LRP1: variants seen among roughly 807,000 people sequenced by gnomAD.
LRP1 encodes the protein prolow-density lipoprotein receptor-related protein 1.
A neutral mutation model predicts 541.5 loss-of-function variants in LRP1; 51 were observed. That is an observed-to-expected ratio of 0.09 (90% CI 0.08 to 0.12). The LOEUF (loss-of-function observed/expected upper bound fraction) is 0.12. Ranked by LOEUF, LRP1 falls within the 10% of genes least tolerant of loss-of-function variation. The pLI is 1.00. For synonymous variants in LRP1, 2,219 were observed against 2,470.8 expected (o/e 0.90, Z 3.02); for missense variants, 3,878 against 6,376.2 (o/e 0.61, Z 13.34).
rs767906236 is a variant in LRP1, at chr12:57,185,978, C to T, written c.6841+70C>T. On this transcript the variant is annotated intron_variant, in intron 41 of 88. Coordinates refer to ENST00000243077, the MANE Select transcript of LRP1 (RefSeq NM_002332.3). This position sits in a 1 kb window ranked among gnomAD's most constrained non-coding sequence, Gnocchi z 4.9. ...GGGGAGCAGCACAGACTCTTAGACCCCAGCCAGGCACTCTACCCTAGGTCT... is the reference window on the plus strand; with the variant it reads ...GGGGAGCAGCACAGACTCTTAGACCTCAGCCAGGCACTCTACCCTAGGTCT... 39 of 1,506,560 alleles carry T rather than the reference C, an allele frequency of 2.6e-5. No homozygotes were observed. The highest frequency in any genetic ancestry group is 2.9e-5 in the Non-Finnish European group (33 of 1,121,612). 93.3% of individuals were successfully genotyped at this position (1,506,560 alleles called of 1,614,324 possible). A position where few individuals can be genotyped will look rare whatever the true frequency, so the allele number is the denominator to read the frequency against.
intron 1 of LRP1, among the ~76,000 whole-genome samples, chr12:57,131,336 G>A (rs1439707719): frequency 6.6e-6 from 1 of 152,178 alleles, no homozygotes; most frequent in Non-Finnish European, 1.5e-5. Flanking sequence ...CCTGCTGCTG[G>A]AGAGGTTGCA....
chr12:57,152,365 C>T (rs970422553), intron 6 of LRP1, among the ~76,000 whole-genome samples: 16 of 152,104 alleles, frequency 1.1e-4, no homozygotes, highest in Non-Finnish European at 2.2e-4. Context: ...CATACACATG[C>T]CAGCAGCCCC....
chr12:57,208,062 G>A lies in LRP1; in HGVS notation c.11884G>A (p.Gly3962Ser), dbSNP rs1369613390. The A allele has an allele frequency of 6.2e-7, 1 of 1,614,158 alleles. No homozygotes were observed. The highest frequency in any genetic ancestry group is 8.5e-7 in the Non-Finnish European group (1 of 1,180,026). Residue 3962 changes from glycine to serine, a missense_variant, in exon 77 of 89, where the codon GGC (glycine) becomes AGC (serine). By Grantham distance (56) the Gly-to-Ser change is moderately conservative (BLOSUM62 0). Transcript: ENST00000243077. The stretch of plus-strand genomic sequence containing the variant: ...GATTTCAGGGCTGAAGATGCCCAGA[G>A]GCATCGCCATCGACTGGGTGGCCGG... ...LNISGLKMPR[G>S]IAIDWVAGNV...
At chr12:57,180,641 G>T (rs1333618415) in intron 32 of LRP1, 26 bp from the exon 33 acceptor site, 6 of 1,613,616 alleles carry the variant, frequency 3.7e-6, no homozygotes, top group Non-Finnish European at 5.1e-6. Context: ...CCTTCCCAAG[G>T]GTCTCATCCC....
In LRP1 at chr12:57,179,920, A is replaced by G; in HGVS notation, c.5105A>G (p.Glu1702Gly). The change falls in exon 30 of 89, where the codon GAG becomes GGG. Residue 1702 changes from glutamate (E) to glycine (G), a missense_variant. Physicochemically the swap from Glu to Gly is moderately conservative, Grantham distance 98 (BLOSUM62 -2). This residue lies in a region of LRP1 where 394 missense variants were observed against 635.9 expected (regional missense o/e 0.62). Coordinates refer to ENST00000243077, the MANE Select transcript of LRP1 (RefSeq NM_002332.3). This position sits in a 1 kb window ranked among gnomAD's most constrained non-coding sequence, Gnocchi z 6.8. Reference protein sequence around the residue: ...SFKNAVVQGLEQPHGLVVHPL... With the variant: ...SFKNAVVQGLGQPHGLVVHPL... Reference sequence around the variant, plus strand: ...AAGAACGCAGTGGTGCAGGGCCTGGAGCAGCCCCATGGCCTTGTCGTCCAC... The same window carrying G: ...AAGAACGCAGTGGTGCAGGGCCTGGGGCAGCCCCATGGCCTTGTCGTCCAC... The G allele has an allele frequency of 1.2e-6, 2 of 1,614,098 alleles. No individual in the cohort carries two copies. Among genetic ancestry groups the G allele is most frequent in the African/African-American group, 1.3e-5 (1 of 75,040 alleles).
At position 57,197,859 on chromosome 12, in the gene LRP1, C is replaced by A. The variant is rs1259917231; in HGVS notation, c.9282+195C>A. On this transcript the variant is annotated intron_variant, in intron 58 of 88. Transcript: ENST00000243077. The surrounding 1 kb of genome is among the most constrained non-coding windows in gnomAD (Gnocchi z 4.5). ...ACTGGGAGATTCCTCTTGCCCTTCCCCTCGCTGCCAGCCTCATGTCTCCTT... is the reference window on the plus strand; with the variant it reads ...ACTGGGAGATTCCTCTTGCCCTTCCACTCGCTGCCAGCCTCATGTCTCCTT... Among the ~76,000 whole-genome samples, 1 of 152,192 alleles carries A rather than the reference C, an allele frequency of 6.6e-6. No individual in the cohort carries two copies. The highest frequency in any genetic ancestry group is 1.5e-5 in the Non-Finnish European group (1 of 68,040).
chr12:57,191,570 A>C, intron 44 of LRP1, 58 bp downstream of exon 44: 1 of 1,470,912 alleles, frequency 6.8e-7, no homozygotes, highest in Non-Finnish European at 9.2e-7. Context: ...TGGACATACA[A>C]ACACACACCC....
At chr12:57,196,915 C>T in intron 55 of LRP1, 67 bp from the exon 56 acceptor site, 1 of 1,391,194 alleles carries the variant, frequency 7.2e-7, no homozygotes, top group Non-Finnish European at 9.9e-7. Flanking sequence ...AGTCTCTGAG[C>T]CAGGTCTCCA....
rs1281500835 is a variant in LRP1, at chr12:57,184,063, G to A, written c.5930-22G>A. On this transcript the variant is annotated intron_variant, in intron 36 of 88. Coordinates refer to ENST00000243077, the MANE Select transcript of LRP1 (RefSeq NM_002332.3). The surrounding 1 kb of genome is among the most constrained non-coding windows in gnomAD (Gnocchi z 7.8). ...ACCTGTCCTCACCTAACCTCCCTGA[G>A]CCCCACCAACTCCCTCCTTAGGCAA... 3.1e-6 allele frequency: 5 copies of A among 1,610,712 alleles called. No homozygotes were observed. The highest frequency in any genetic ancestry group is 4.2e-6 in the Non-Finnish European group (5 of 1,178,038).
intron 15 of LRP1, 40 bp downstream of exon 15, chr12:57,163,023 C>G: frequency 6.4e-7 from 1 of 1,572,208 alleles, no homozygotes; most frequent in Non-Finnish European, 8.6e-7. Flanking sequence ...GAAGCAGACC[C>G]CATCAGGAGG....
At chr12:57,140,198 C>T (rs888132024) in intron 2 of LRP1, among the ~76,000 whole-genome samples, 5 of 152,138 alleles carry the variant, frequency 3.3e-5, no homozygotes. Context: ...ACACAGCTTC[C>T]CAGAGTTCTG....
At chr12:57,203,365 G>C in intron 69 of LRP1, 24 bp from the exon 70 acceptor site, 1 of 1,595,170 alleles carries the variant, frequency 6.3e-7, no homozygotes, top group Non-Finnish European at 8.6e-7. Flanking sequence ...AGAGGTGACC[G>C]GCTGCCTGTG....
rs879269695 is a variant in LRP1 at position 57,193,444 on chromosome 12, T to C, written c.7685-122T>C. ...GGGAGCTCATGAAGGGCAGAACCAC[T>C]GTTAGCCTGGACTGGGCCTTTGGGT... On this transcript the variant is annotated intron_variant, in intron 46 of 88. Coordinates refer to ENST00000243077, the MANE Select transcript of LRP1 (RefSeq NM_002332.3). 4.6e-6 allele frequency: 7 copies of C among 1,507,710 alleles called. No individual in the cohort carries two copies. In the South Asian group the frequency reaches 6.2e-5, roughly 13 times the overall value. 93.4% of individuals were successfully genotyped at this position (1,507,710 alleles called of 1,614,324 possible).
intron 19 of LRP1, among the ~76,000 whole-genome samples, chr12:57,167,945 G>A (rs2035872123): frequency 6.6e-6 from 1 of 152,220 alleles, no homozygotes; most frequent in South Asian, 2.1e-4. Context: ...GATAGCCATG[G>A]ACCAGGTGAT....
rs762878771 is a variant in LRP1, at chr12:57,145,321, T to C, written c.672T>C (p.Pro224=). The C allele has an allele frequency of 1.9e-6, 3 of 1,614,092 alleles. No homozygotes were observed. The highest frequency in any genetic ancestry group is 2.5e-6 in the Non-Finnish European group (3 of 1,180,034). ...GGGCCCAGGTGTCTACCATCACACC[T>C]ACGAGCACGCGGCAGACCACAGCCA... ...LSGAQVSTIT[P]TSTRQTTAMD... Residue 224 remains proline, a synonymous_variant, in exon 6 of 89, where the codon CCT becomes CCC. Transcript: ENST00000243077.
At chr12:57,194,729 C>T (rs1482586185) in intron 50 of LRP1, 30 bp downstream of exon 50, 1 of 1,524,446 alleles carries the variant, frequency 6.6e-7, no homozygotes, top group East Asian at 2.3e-5. Context: ...ACTCAGTGCT[C>T]CAAGAGCCTG....
At chr12:57,187,166 T>G in intron 41 of LRP1, 101 bp from the exon 42 acceptor site, 1 of 1,268,094 alleles carries the variant, frequency 7.9e-7, no homozygotes, top group Non-Finnish European at 1.1e-6. Flanking sequence ...ACACTTCGCC[T>G]TCCAGCCAGG....
At chr12:57,147,201 C>T (rs1470876953) in intron 6 of LRP1, among the ~76,000 whole-genome samples, 1 of 151,608 alleles carries the variant, frequency 6.6e-6, no homozygotes, top group East Asian at 2.0e-4. Flanking sequence ...TCTCTCATCC[C>T]AGCTTCTGTC....
In LRP1 at chr12:57,212,321, T is replaced by C; in HGVS notation, c.13494+60T>C. The C allele has an allele frequency of 6.2e-7, 1 of 1,612,590 alleles. No individual in the cohort carries two copies. Among genetic ancestry groups the C allele is most frequent in the Non-Finnish European group, 8.5e-7 (1 of 1,179,316 alleles). Reference sequence around the variant, plus strand: ...AGGCCGTGGGTGGCCTAACCAAAGGTGTTGGGTTAGGTGAGGGACGGAGGT... The same window carrying C: ...AGGCCGTGGGTGGCCTAACCAAAGGCGTTGGGTTAGGTGAGGGACGGAGGT... On this transcript the variant is annotated intron_variant, in intron 88 of 88. Transcript: ENST00000243077. This position sits in a 1 kb window ranked among gnomAD's most constrained non-coding sequence, Gnocchi z 5.0.
Sources: allele counts gnomAD v4.1 joint callset (sites outside exome capture counted in the v4.1 genomes callset), GRCh38; gene constraint gnomAD v4.1.1; regional missense constraint gnomAD v4.1.1; non-coding constraint Gnocchi (gnomAD v3.1); transcripts MANE v1.5; gene names NCBI Gene and HGNC (gene_info 2026-07-23, HGNC 2026-07-21).